ELL: variants seen among roughly 807,000 people sequenced by gnomAD.
ELL encodes the protein RNA polymerase II elongation factor ELL.
A neutral mutation model predicts 64.0 loss-of-function variants in ELL; 18 were observed. The ratio of observed to expected loss-of-function variants is 0.28; its 90% CI spans 0.19 to 0.42. The LOEUF (loss-of-function observed/expected upper bound fraction) is 0.42. Among genes scored for constraint, ELL ranks in the 10% least tolerant of loss-of-function variants. The probability of loss-of-function intolerance (pLI) is 1.00; values close to 1 mark genes in which losing one functional copy is unlikely to be tolerated. For synonymous variants in ELL, 399 were observed against 376.2 expected (o/e 1.06, Z -0.70); for missense variants, 797 against 870.4 (o/e 0.92, Z 1.06).
intron 1 of ELL, among the ~76,000 whole-genome samples, chr19:18,510,084 C>T (rs1389253626): frequency 7.2e-5 from 11 of 152,172 alleles, no homozygotes; most frequent in Admixed American, 7.2e-4. Context: ...AACCCATGTC[C>T]CAGCTGGGCA....
intron 1 of ELL, among the ~76,000 whole-genome samples, chr19:18,496,307 G>A (rs1051347006): frequency 6.6e-6 from 1 of 152,234 alleles, no homozygotes; most frequent in African/African-American, 2.4e-5. Context: ...GCCTCATCCA[G>A]AAAACTCCCC....
chr19:18,484,497 C>G (rs1476230641), intron 1 of ELL, among the ~76,000 whole-genome samples: 1 of 151,986 alleles, frequency 6.6e-6, no homozygotes, highest in African/African-American at 2.4e-5. Context: ...AAAAATTAGC[C>G]AGGTGTGGTA....
chr19:18,444,472 TGG>T lies in ELL; in HGVS notation c.*278_*279del. 1 of 412,314 alleles carries T rather than the reference TGG, an allele frequency of 2.4e-6. No homozygotes were observed. The highest frequency in any genetic ancestry group is 4.4e-6 in the Non-Finnish European group (1 of 229,008). The allele number at this position is 412,314 out of a possible 1,614,324, so 25.5% of individuals were successfully genotyped here. A position where few individuals can be genotyped will look rare whatever the true frequency, so the allele number is the denominator to read the frequency against. ...CCACCCCAAGGGCCTAGGAGTCTTCTGGCGAGACAGGAGGCTGAACCCCGGAG... is the reference window on the plus strand; with the variant it reads ...CCACCCCAAGGGCCTAGGAGTCTTCTCGAGACAGGAGGCTGAACCCCGGAG... On this transcript the variant is annotated 3_prime_UTR_variant, in exon 12 of 12. Transcript: ENST00000262809.
intron 1 of ELL, 55 bp downstream of exon 1, chr19:18,521,866 G>C: frequency 1.3e-6 from 2 of 1,526,530 alleles, no homozygotes; most frequent in East Asian, 2.6e-5. Flanking sequence ...GGGAGCGCGA[G>C]GCCGGCCCGC....
rs1218990769 is a variant in ELL, at chr19:18,449,978, C to T, written c.1465+499G>A. Among the ~76,000 whole-genome samples the T allele has an allele frequency of 3.3e-5, 5 of 152,076 alleles. No homozygotes were observed. The highest frequency in any genetic ancestry group is 1.2e-4 in the African/African-American group (5 of 41,386). ...AAACCTACAGTCCACAACAGTCGCA[C>T]GGTGCCTACAGAGGTCCAGGTGCTA... On this transcript the variant is annotated intron_variant, in intron 8 of 11. Coordinates refer to ENST00000262809, the MANE Select transcript of ELL (RefSeq NM_006532.4). This position sits in a 1 kb window ranked among gnomAD's most constrained non-coding sequence, Gnocchi z 4.4.
chr19:18,461,976 C>T, intron 4 of ELL, 124 bp from the exon 5 acceptor site: 1 of 1,289,538 alleles, frequency 7.8e-7, no homozygotes, highest in Non-Finnish European at 1.1e-6. Context: ...ACCACACCAA[C>T]CACAGCAAAA....
intron 1 of ELL, among the ~76,000 whole-genome samples, chr19:18,495,205 T>C (rs2144958582): frequency 6.6e-6 from 1 of 151,890 alleles, no homozygotes; most frequent in Admixed American, 6.5e-5. Context: ...AGAGCAGAAG[T>C]GCAGGAGGCG....
rs540498071 is a variant in ELL, at chr19:18,491,350, C to T, written c.136-18468G>A. ...CTGGTCTTGAACTCCTGGGCTTTAG[C>T]AATCCTTTTGCCTCAGCCCCATAAA... is the stretch of plus-strand genomic sequence containing the variant. On this transcript the variant is annotated intron_variant, in intron 1 of 11. Transcript: ENST00000262809. Among the ~76,000 whole-genome samples, 4 of 140,562 alleles carry T rather than the reference C, an allele frequency of 2.8e-5. No homozygotes were observed. In the South Asian group the frequency reaches 9.6e-4, roughly 34 times the overall value. 92.2% of individuals were successfully genotyped at this position (140,562 alleles called of 152,430 possible). A position where few individuals can be genotyped will look rare whatever the true frequency, so the allele number is the denominator to read the frequency against.
chr19:18,457,556 A>G (rs1974707867), intron 6 of ELL, among the ~76,000 whole-genome samples: 2 of 152,124 alleles, frequency 1.3e-5, no homozygotes, highest in Non-Finnish European at 2.9e-5. Flanking sequence ...CTACAAACTC[A>G]TAAATACCTC....
Position 18,457,753 on chromosome 19 carries a change from C to T in ELL, c.869+452G>A, listed in dbSNP as rs560656466. Among the ~76,000 whole-genome samples, 105 of 152,300 alleles carry T rather than the reference C, an allele frequency of 6.9e-4. 1 individual carries two copies. Among genetic ancestry groups the T allele is most frequent in the African/African-American group, 2.4e-3 (101 of 41,560 alleles). ...AGCCTGAGGGGATGCATTTAATTAA[C>T]GCTGCTTAATGACGCCTGCCCTGCC... On this transcript the variant is annotated intron_variant, in intron 6 of 11. Coordinates refer to ENST00000262809, the MANE Select transcript of ELL (RefSeq NM_006532.4).
chr19:18,449,784 G>A lies in ELL; in HGVS notation c.1465+693C>T, dbSNP rs1974483782. On this transcript the variant is annotated intron_variant, in intron 8 of 11. Coordinates refer to ENST00000262809, the MANE Select transcript of ELL (RefSeq NM_006532.4). The surrounding 1 kb of genome is among the most constrained non-coding windows in gnomAD (Gnocchi z 4.4). ...GGTGGTGGAACAGCCGCTGCACGCT[G>A]GCCACTGCTTCTGCTGGTTCCTATA... Among the ~76,000 whole-genome samples the A allele has an allele frequency of 2.0e-5, 3 of 152,238 alleles. No individual in the cohort carries two copies. Among genetic ancestry groups the A allele is most frequent in the African/African-American group, 7.2e-5 (3 of 41,460 alleles).
Position 18,461,168 on chromosome 19 carries a change from G to A in ELL, c.744+410C>T, listed in dbSNP as rs548846596. Among the ~76,000 whole-genome samples the A allele has an allele frequency of 6.6e-5, 10 of 152,326 alleles. No homozygotes were observed. In the South Asian group the frequency reaches 8.3e-4, roughly 13 times the overall value. On this transcript the variant is annotated intron_variant, in intron 5 of 11. Transcript: ENST00000262809. ...TCACCCGGAGGCGCAGGTGGAGGGC[G>A]GCAGGCAGCTGATTCACACTGAGGC...
chr19:18,450,361 C>T, intron 8 of ELL, 116 bp downstream of exon 8: 1 of 1,478,416 alleles, frequency 6.8e-7, no homozygotes, highest in East Asian at 2.4e-5. Context: ...CCTGGGGCAA[C>T]AGGGTCCCCT....
chr19:18,504,279 C>T (rs749431339), intron 1 of ELL, among the ~76,000 whole-genome samples: 57 of 152,220 alleles, frequency 3.7e-4, no homozygotes, highest in Non-Finnish European at 7.9e-4. Flanking sequence ...TGCTCACTGA[C>T]GCACAGAGGC....
In ELL at chr19:18,462,364, T is replaced by TGTGTGTGTGTGTGTG. The variant is rs1555732678; in HGVS notation, c.470-513_470-512insCACACACACACACAC. 5.3e-4 allele frequency among the ~76,000 whole-genome samples: 26 copies of TGTGTGTGTGTGTGTG among 49,150 alleles called. 2 individuals carry two copies. Among genetic ancestry groups the TGTGTGTGTGTGTGTG allele is most frequent in the African/African-American group, 2.2e-3 (13 of 5,796 alleles). The allele number at this position is 49,150 out of a possible 152,430, so 32.2% of individuals were successfully genotyped here. On this transcript the variant is annotated intron_variant, in intron 4 of 11. Transcript: ENST00000262809. Reference sequence around the variant, plus strand: ...GTGTGTGTGTGTGTGTGTGTGTGTGTTTGGGCGGGGGGCGGGGGGGGAAGG... The same window carrying TGTGTGTGTGTGTGTG: ...GTGTGTGTGTGTGTGTGTGTGTGTGTGTGTGTGTGTGTGTGTTGGGCGGGGGGCGGGGGGGGAAGG...
chr19:18,491,144 G>A (rs1975523776), intron 1 of ELL, among the ~76,000 whole-genome samples: 2 of 151,676 alleles, frequency 1.3e-5, no homozygotes, highest in Non-Finnish European at 2.9e-5. Flanking sequence ...GTGCAGTGGT[G>A]TGATCACAGC....
intron 1 of ELL, among the ~76,000 whole-genome samples, chr19:18,497,239 TA>T (rs1975673640): frequency 6.6e-6 from 1 of 152,190 alleles, no homozygotes; most frequent in African/African-American, 2.4e-5. Flanking sequence ...GAAGGGGCCT[TA>T]AAAGCATACG....
At chr19:18,470,880 C>T (rs576045781) in intron 2 of ELL, 45 of 451,040 alleles carry the variant, frequency 1.0e-4, no homozygotes, top group Middle Eastern at 9.8e-4. Flanking sequence ...AGCCCACAGT[C>T]GTCTGAGCCC....
intron 1 of ELL, among the ~76,000 whole-genome samples, chr19:18,486,666 T>C (rs916553506): frequency 1.3e-5 from 2 of 152,172 alleles, no homozygotes; most frequent in Non-Finnish European, 2.9e-5. Context: ...ACTCGGCTCT[T>C]ACCGCCTCAT....
Sources: gnomAD v4.1 joint callset for allele counts (sites outside exome capture counted in the v4.1 genomes callset) on GRCh38, gnomAD v4.1.1 for gene constraint, Gnocchi (gnomAD v3.1) non-coding constraint, MANE v1.5 for transcripts, NCBI Gene and HGNC (gene_info 2026-07-23, HGNC 2026-07-21) for gene names.